The following GPC6 variants were observed in gnomAD, a reference collection of about 807,000 sequenced individuals.
The protein encoded by GPC6 is glypican 6, also known as glypican-6.
Under a neutral mutation model 55.2 loss-of-function variants are expected in GPC6, and 14 were observed. The ratio of observed to expected loss-of-function variants is 0.25; its 90% CI spans 0.17 to 0.40. The LOEUF (loss-of-function observed/expected upper bound fraction) is 0.40. Ranked by LOEUF, GPC6 falls within the 10% of genes least tolerant of loss-of-function variation. GPC6 has a pLI of 1.00. For missense variants in GPC6, 641 were observed against 708.5 expected (o/e 0.90, Z 1.08); for synonymous variants, 278 against 259.6 (o/e 1.07, Z -0.68).
At chr13:94,296,794 C>G (rs545493181) in intron 5 of GPC6, among the ~76,000 whole-genome samples, 1 of 152,106 alleles carries the variant, frequency 6.6e-6, no homozygotes, top group Admixed American at 6.5e-5. Flanking sequence ...GAGTAGAACA[C>G]CCTGATGTAA....
chr13:93,327,346 T>A (rs966173095), intron 1 of GPC6, among the ~76,000 whole-genome samples: 5 of 152,182 alleles, frequency 3.3e-5, no homozygotes, highest in African/African-American at 1.2e-4. Flanking sequence ...ACTGTTGAGA[T>A]GATGTGGTCT....
intron 3 of GPC6, among the ~76,000 whole-genome samples, chr13:93,962,624 T>C (rs1220116739): frequency 6.6e-6 from 1 of 152,174 alleles, no homozygotes; most frequent in African/African-American, 2.4e-5. Context: ...AGTTCTATTA[T>C]TTGGTGACAT....
At chr13:93,941,007 G>A (rs1384111387) in intron 3 of GPC6, among the ~76,000 whole-genome samples, 1 of 152,018 alleles carries the variant, frequency 6.6e-6, no homozygotes, top group East Asian at 1.9e-4. Flanking sequence ...AAAGTTTTTG[G>A]CACATAATTG....
At chr13:93,395,614 A>G (rs917089957) in intron 1 of GPC6, 2 of 158,010 alleles carry the variant, frequency 1.3e-5, no homozygotes, top group Non-Finnish European at 2.8e-5. Flanking sequence ...TGGTCCCACA[A>G]CTCTTCCATT....
chr13:93,634,052 A>T (rs1033088638), intron 2 of GPC6, among the ~76,000 whole-genome samples: 1 of 152,190 alleles, frequency 6.6e-6, no homozygotes, highest in African/African-American at 2.4e-5. Flanking sequence ...TTTTGAATGT[A>T]CTGATGCAGT....
At chr13:94,037,857 A>T (rs1397661636) in intron 4 of GPC6, among the ~76,000 whole-genome samples, 1 of 152,036 alleles carries the variant, frequency 6.6e-6, no homozygotes, top group Non-Finnish European at 1.5e-5. Flanking sequence ...TTCTGTGATG[A>T]TGGAAATGTT....
At chr13:93,857,847 C>A (rs1222448184) in intron 3 of GPC6, among the ~76,000 whole-genome samples, 2 of 151,232 alleles carry the variant, frequency 1.3e-5, no homozygotes, top group African/African-American at 4.8e-5. Flanking sequence ...ATATAAGTGC[C>A]AAACTATGTA....
At chr13:94,130,635 A>G (rs1337994375) in intron 4 of GPC6, among the ~76,000 whole-genome samples, 2 of 152,146 alleles carry the variant, frequency 1.3e-5, no homozygotes, top group Non-Finnish European at 2.9e-5. Flanking sequence ...TACTATTAAT[A>G]TGAAGTCAAG....
intron 1 of GPC6, among the ~76,000 whole-genome samples, chr13:93,435,265 A>T (rs1877525490): frequency 6.6e-6 from 1 of 151,604 alleles, no homozygotes; most frequent in African/African-American, 2.4e-5. Flanking sequence ...CAGGCATGAG[A>T]CACCATGCCC....
chr13:93,645,154 A>G (rs1880121837), intron 2 of GPC6, among the ~76,000 whole-genome samples: 1 of 152,058 alleles, frequency 6.6e-6, no homozygotes, highest in Non-Finnish European at 1.5e-5. Flanking sequence ...AAAGGAAAGA[A>G]TCTCACCTTA....
intron 4 of GPC6, among the ~76,000 whole-genome samples, chr13:94,241,678 G>C (rs1430791709): frequency 1.3e-5 from 2 of 152,048 alleles, no homozygotes; most frequent in Non-Finnish European, 2.9e-5. Context: ...AGGTTGCCTT[G>C]TTTCTACTCT....
At chr13:94,140,328 C>A (rs926430944) in intron 4 of GPC6, among the ~76,000 whole-genome samples, 4 of 152,186 alleles carry the variant, frequency 2.6e-5, no homozygotes, top group Non-Finnish European at 4.4e-5. Context: ...AATGTGAATT[C>A]TCTCACAATA....
At chr13:93,911,736 A>G (rs1490521298) in intron 3 of GPC6, among the ~76,000 whole-genome samples, 1 of 152,232 alleles carries the variant, frequency 6.6e-6, no homozygotes, top group Non-Finnish European at 1.5e-5. Context: ...GTAAAATGGA[A>G]GTGATAATGT....
At chr13:93,984,327 A>G (rs191727526) in intron 3 of GPC6, among the ~76,000 whole-genome samples, 34 of 152,192 alleles carry the variant, frequency 2.2e-4, no homozygotes, top group Non-Finnish European at 4.3e-4. Context: ...GGCTTTACGT[A>G]AATAGTAAAA....
intron 4 of GPC6, among the ~76,000 whole-genome samples, chr13:94,160,507 A>G (rs1466313469): frequency 2.0e-5 from 3 of 152,252 alleles, no homozygotes; most frequent in Non-Finnish European, 4.4e-5. Context: ...GAATTTGAAG[A>G]TGGCAACCAC....
intron 6 of GPC6, among the ~76,000 whole-genome samples, chr13:94,324,152 T>C (rs1876984005): frequency 6.6e-6 from 1 of 151,716 alleles, no homozygotes; most frequent in African/African-American, 2.4e-5. Context: ...CATGAAGGTA[T>C]TTGGGAAGGA....
chr13:93,412,574 T>C (rs1283854368), intron 1 of GPC6, among the ~76,000 whole-genome samples: 1 of 152,170 alleles, frequency 6.6e-6, no homozygotes, highest in East Asian at 1.9e-4. Flanking sequence ...GGAATATTGC[T>C]TGAACCCAGG....
chr13:93,234,989 G>A (rs147415961), intron 1 of GPC6, among the ~76,000 whole-genome samples: 75 of 152,142 alleles, frequency 4.9e-4, no homozygotes, highest in Middle Eastern at 3.4e-3. Flanking sequence ...TGAAATTTAA[G>A]TCACAGTACT....
intron 3 of GPC6, among the ~76,000 whole-genome samples, chr13:93,955,084 T>C (rs1281272187): frequency 1.3e-5 from 2 of 152,140 alleles, no homozygotes; most frequent in African/African-American, 4.8e-5. Flanking sequence ...TTCTGTGCCA[T>C]TGACCAAGGG....
Sources: allele counts gnomAD v4.1 joint callset (sites outside exome capture counted in the v4.1 genomes callset), GRCh38; gene constraint gnomAD v4.1.1; transcripts MANE v1.5; gene names NCBI Gene and HGNC (gene_info 2026-07-23, HGNC 2026-07-21).